Variants in NINL observed in about 807,000 individuals in gnomAD.
NINL encodes the protein ninein like, also known as ninein-like protein.
NINL carries 153 observed loss-of-function variants against 160.3 expected under a neutral mutation model. The observed-to-expected ratio is 0.95, with a 90% CI of 0.84 to 1.09. The LOEUF (loss-of-function observed/expected upper bound fraction) is 1.09, where lower values mean the gene tolerates loss of function less well. Ranked by LOEUF, NINL falls within the 50% of genes least tolerant of loss-of-function variation. The probability of loss-of-function intolerance (pLI) is 0.00; values close to 1 mark genes in which losing one functional copy is unlikely to be tolerated. For missense variants in NINL, 1,829 were observed against 1,764.0 expected (o/e 1.04, Z -0.66); for synonymous variants, 800 against 734.8 (o/e 1.09, Z -1.43).
intron 1 of NINL, among the ~76,000 whole-genome samples, chr20:25,561,055 T>TCCCTCTCCCTCTCC (rs2064929634): frequency 3.3e-5 from 2 of 61,316 alleles, no homozygotes; most frequent in African/African-American, 7.7e-5. Context: ...TCTCCCTCTC[T>TCCCTCTCCCTCTCC]CTCTCTTTCC....
chr20:25,535,659 G>GT (rs1433042846), intron 1 of NINL, among the ~76,000 whole-genome samples: 2 of 152,002 alleles, frequency 1.3e-5, no homozygotes, highest in Non-Finnish European at 2.9e-5. Context: ...TTCATGTTGT[G>GT]TTTTTTACCA....
At position 25,476,903 on chromosome 20, in the gene NINL, G is replaced by A; in HGVS notation, c.2388C>T (p.Ala796=). ...KLQPCASEKR[A]QMCVSLALEE... is the part of the protein sequence containing the mutation. ...CGAGGGCCAACGATACGCACATCTG[G>A]GCGCGCTTCTCGCTCGCACAGGGCT... The change falls in exon 17 of 24, where the codon GCC becomes GCT. Residue 796 remains alanine (A), a synonymous_variant. Transcript: ENST00000278886. 1.2e-6 allele frequency: 2 copies of A among 1,613,054 alleles called. No individual in the cohort carries two copies. The highest frequency in any genetic ancestry group is 1.1e-5 in the South Asian group (1 of 91,052).
At chr20:25,496,515 T>A in intron 10 of NINL, 148 bp downstream of exon 10, 3 of 954,044 alleles carry the variant, frequency 3.1e-6, no homozygotes, top group Non-Finnish European at 1.6e-6. Flanking sequence ...CTGTGCCCCC[T>A]GGATTCCCCC....
chr20:25,460,479 C>T (rs567459441), intron 21 of NINL, among the ~76,000 whole-genome samples: 39 of 152,174 alleles, frequency 2.6e-4, no homozygotes, highest in Non-Finnish European at 3.5e-4. Flanking sequence ...TGCCTCCCAG[C>T]GCCAGGTGCT....
intron 23 of NINL, 130 bp from the exon 24 acceptor site, chr20:25,453,772 C>CG (rs770530554): frequency 3.6e-4 from 278 of 782,222 alleles, no homozygotes; most frequent in Non-Finnish European, 4.8e-4. Context: ...GACCCAAGGC[C>CG]GGGGGCAGTG....
At chr20:25,557,857 A>G (rs1347263967) in intron 1 of NINL, among the ~76,000 whole-genome samples, 2 of 151,926 alleles carry the variant, frequency 1.3e-5, no homozygotes, top group Admixed American at 6.6e-5. Context: ...GGCTGGGCGC[A>G]GTGGCTCACG....
chr20:25,574,788 T>C (rs558386621), intron 1 of NINL, among the ~76,000 whole-genome samples: 2 of 152,234 alleles, frequency 1.3e-5, no homozygotes, highest in South Asian at 2.1e-4. Context: ...TCCTTGAGTG[T>C]AGATGTGGGC....
intron 3 of NINL, among the ~76,000 whole-genome samples, chr20:25,515,813 C>G (rs2064150520): frequency 6.6e-6 from 1 of 152,070 alleles, no homozygotes; most frequent in Admixed American, 6.6e-5. Flanking sequence ...CTCTGTCACC[C>G]AGGCTGGAAT....
intron 1 of NINL, among the ~76,000 whole-genome samples, chr20:25,567,873 ATATAT>A (rs910139091): frequency 5.3e-5 from 8 of 152,090 alleles, no homozygotes; most frequent in African/African-American, 1.9e-4. Context: ...AAAAAATTAA[ATATAT>A]TAAACTGAAT....
intron 10 of NINL, among the ~76,000 whole-genome samples, chr20:25,491,786 G>A (rs1313643380): frequency 6.6e-6 from 1 of 152,240 alleles, no homozygotes; most frequent in African/African-American, 2.4e-5. Context: ...CCCTCACAGC[G>A]AGGAGCACAG....
chr20:25,480,227 T>G lies in NINL; in HGVS notation c.1851A>C (p.Glu617Asp), dbSNP rs757229734. 1 of 1,613,930 alleles carries G rather than the reference T, an allele frequency of 6.2e-7. No homozygotes were observed. The highest frequency in any genetic ancestry group is 1.3e-5 in the African/African-American group (1 of 74,902). The change falls in exon 15 of 24, where the codon GAA becomes GAC. Residue 617 changes from glutamate (E) to aspartate (D), a missense_variant. Transcript: ENST00000278886. ...TTACCTGCTCCATCATCAGCTCCGT[T>G]TCTATACTCACTGGAGCAGAATTAC... The part of the protein sequence containing the change: ...FLGNSAPVSI[E>D]TELMMEQVKE...
At chr20:25,512,736 C>A in intron 4 of NINL, 98 bp downstream of exon 4, 1 of 1,436,186 alleles carries the variant, frequency 7.0e-7, no homozygotes, top group Non-Finnish European at 9.3e-7. Context: ...TGGCTGCCCT[C>A]CCCATATCTT....
intron 1 of NINL, among the ~76,000 whole-genome samples, chr20:25,538,111 C>T (rs2064592746): frequency 6.6e-6 from 1 of 152,148 alleles, no homozygotes; most frequent in African/African-American, 2.4e-5. Flanking sequence ...ATCCCAACCC[C>T]GCAACGCCAC....
At chr20:25,499,945 CAAAAA>C (rs11476280) in intron 8 of NINL, among the ~76,000 whole-genome samples, 4 of 61,438 alleles carry the variant, frequency 6.5e-5, no homozygotes, top group East Asian at 9.1e-4. Context: ...ACCAATTTCG[CAAAAA>C]AAAAAAAAAA....
At chr20:25,471,561 T>C (rs1194396891) in intron 17 of NINL, among the ~76,000 whole-genome samples, 1 of 151,944 alleles carries the variant, frequency 6.6e-6, no homozygotes, top group Non-Finnish European at 1.5e-5. Context: ...GCAACCTCTG[T>C]GACTGTCCTC....
chr20:25,557,953 A>G (rs557970868), intron 1 of NINL, among the ~76,000 whole-genome samples: 1 of 143,796 alleles, frequency 7.0e-6, no homozygotes, highest in South Asian at 2.3e-4. Context: ...ACATGGTGAA[A>G]CCCCGTCTCT....
chr20:25,532,282 G>A (rs916778936), intron 1 of NINL, among the ~76,000 whole-genome samples: 2 of 152,190 alleles, frequency 1.3e-5, no homozygotes, highest in Non-Finnish European at 1.5e-5. Context: ...CCAGATTCAC[G>A]TTTTCGAGGC....
At chr20:25,495,830 G>T (rs1482907437) in intron 10 of NINL, among the ~76,000 whole-genome samples, 3 of 152,198 alleles carry the variant, frequency 2.0e-5, no homozygotes, top group Non-Finnish European at 2.9e-5. Flanking sequence ...CAGTGCGGTG[G>T]TTGTATCCTT....
intron 10 of NINL, among the ~76,000 whole-genome samples, chr20:25,493,565 C>T (rs2063684042): frequency 6.6e-6 from 1 of 152,188 alleles, no homozygotes; most frequent in African/African-American, 2.4e-5. Context: ...CCAAGCTGGC[C>T]TCATGTGCGC....
Sources: gnomAD v4.1 joint callset for allele counts (sites outside exome capture counted in the v4.1 genomes callset) on GRCh38, gnomAD v4.1.1 for gene constraint, MANE v1.5 for transcripts, NCBI Gene and HGNC (gene_info 2026-07-23, HGNC 2026-07-21) for gene names.